LRSAM1: variants seen among roughly 807,000 people sequenced by gnomAD.
LRSAM1 encodes the protein leucine rich repeat and sterile alpha motif containing 1.
A neutral mutation model predicts 118.1 loss-of-function variants in LRSAM1; 96 were observed. The observed-to-expected ratio is 0.81, with a 90% CI of 0.69 to 0.96. LRSAM1 has a LOEUF of 0.96. Among genes scored for constraint, LRSAM1 ranks in the 40% least tolerant of loss-of-function variants. The probability of loss-of-function intolerance (pLI) is 0.00; values close to 1 mark genes in which losing one functional copy is unlikely to be tolerated. For synonymous variants in LRSAM1, 322 were observed against 364.2 expected (o/e 0.88, Z 1.32); for missense variants, 804 against 915.5 (o/e 0.88, Z 1.57).
intron 16 of LRSAM1, 130 bp downstream of exon 16, chr9:127,483,150 C>G: frequency 2.4e-6 from 2 of 836,010 alleles, no homozygotes; most frequent in Non-Finnish European, 4.0e-6. Context: ...CAGTCAAGTC[C>G]TGCCATGGAG....
At chr9:127,469,435 A>G (rs2265687) in intron 10 of LRSAM1, among the ~76,000 whole-genome samples, 149,782 of 151,678 alleles carry the variant, frequency 0.99, 73,992 homozygotes, top group Middle Eastern at 1. Context: ...GTGCCACTGC[A>G]CTCCAGTCTG....
intron 9 of LRSAM1, among the ~76,000 whole-genome samples, chr9:127,464,550 G>A (rs967619847): frequency 1.3e-5 from 2 of 152,000 alleles, no homozygotes; most frequent in African/African-American, 4.8e-5. Flanking sequence ...TTAAATAGCC[G>A]TGGGTCCTTA....
chr9:127,491,378 C>T (rs1475884246), intron 20 of LRSAM1, 83 bp downstream of exon 20: 2 of 1,110,708 alleles, frequency 1.8e-6, no homozygotes, highest in Non-Finnish European at 2.7e-6. Context: ...GGCAGCTGCT[C>T]ACCAGCCCCT....
At chr9:127,459,197 C>T in intron 7 of LRSAM1, 126 bp downstream of exon 7, 7 of 903,752 alleles carry the variant, frequency 7.7e-6, no homozygotes, top group Non-Finnish European at 1.2e-5. Flanking sequence ...CCAGCTCCAC[C>T]CTCCCCTTGG....
rs560055649 is a variant in LRSAM1, at chr9:127,470,861, T to G, written c.620-2940T>G. ...CTTTAAACATTCATCAAGCTCTGCATGAAGATTCTGTGCTCTCGGCCCAAA... is the reference window on the plus strand; with the variant it reads ...CTTTAAACATTCATCAAGCTCTGCAGGAAGATTCTGTGCTCTCGGCCCAAA... On this transcript the variant is annotated intron_variant, in intron 10 of 25. Transcript: ENST00000300417. 5 of 152,196 alleles carry G rather than the reference T, an allele frequency of 3.3e-5. No homozygotes were observed. In the South Asian group the frequency reaches 6.2e-4, roughly 19 times the overall value. The allele number at this position is 152,196 out of a possible 1,614,324, so 9.4% of individuals were successfully genotyped here.
chr9:127,482,897 T>C, intron 15 of LRSAM1, 53 bp from the exon 16 acceptor site: 1 of 1,513,604 alleles, frequency 6.6e-7, no homozygotes, highest in Non-Finnish European at 9.0e-7. Flanking sequence ...TCTGCTGGGA[T>C]TCCCTGTTGG....
At chr9:127,452,510 C>G (rs1438916430) in intron 2 of LRSAM1, among the ~76,000 whole-genome samples, 1 of 152,192 alleles carries the variant, frequency 6.6e-6, no homozygotes, top group Non-Finnish European at 1.5e-5. Context: ...CATCTCCTCC[C>G]ATGACTATCT....
intron 5 of LRSAM1, 90 bp from the exon 6 acceptor site, chr9:127,457,226 G>C: frequency 1.4e-6 from 2 of 1,436,560 alleles, no homozygotes; most frequent in Non-Finnish European, 1.9e-6. Flanking sequence ...GGTGGGGCGT[G>C]GCACGGCGCT....
intron 8 of LRSAM1, 135 bp from the exon 9 acceptor site, chr9:127,462,114 CCTT>C: frequency 8.2e-7 from 1 of 1,220,282 alleles, no homozygotes; most frequent in South Asian, 1.4e-5. Flanking sequence ...TGGAACTCCA[CCTT>C]CTTGAGCCTA....
chr9:127,502,456 G>A (rs188608898), intron 25 of LRSAM1, among the ~76,000 whole-genome samples: 4 of 152,006 alleles, frequency 2.6e-5, no homozygotes, highest in Non-Finnish European at 5.9e-5. Flanking sequence ...AGGCCGAGGC[G>A]GGCAGATCAC....
At chr9:127,460,402 T>G (rs1177101601) in intron 7 of LRSAM1, among the ~76,000 whole-genome samples, 2 of 152,256 alleles carry the variant, frequency 1.3e-5, no homozygotes, top group Non-Finnish European at 2.9e-5. Context: ...CAACAAGCCC[T>G]GGTTCAGTCC....
intron 17 of LRSAM1, among the ~76,000 whole-genome samples, chr9:127,487,159 G>A (rs1167665753): frequency 3.3e-5 from 5 of 150,422 alleles, no homozygotes; most frequent in Non-Finnish European, 5.9e-5. Context: ...ACTCCAGCCC[G>A]GGTGACAGAG....
At chr9:127,486,692 C>G (rs1479954441) in intron 17 of LRSAM1, 1 of 152,430 alleles carries the variant, frequency 6.6e-6, no homozygotes, top group East Asian at 1.9e-4. Context: ...CGTGAGGTCT[C>G]AGGCAAGTCT....
intron 5 of LRSAM1, 21 bp downstream of exon 5, chr9:127,455,641 C>A (rs1160775749): frequency 6.2e-7 from 1 of 1,612,470 alleles, no homozygotes. Flanking sequence ...GCTTCATCTT[C>A]AGAGACTTTC....
At chr9:127,464,294 G>A (rs1326671398) in intron 9 of LRSAM1, among the ~76,000 whole-genome samples, 9 of 152,218 alleles carry the variant, frequency 5.9e-5, no homozygotes, top group African/African-American at 1.7e-4. Flanking sequence ...CTGCAATGAT[G>A]GAAATGTTCA....
At chr9:127,464,389 C>T (rs1055486438) in intron 9 of LRSAM1, among the ~76,000 whole-genome samples, 2 of 109,790 alleles carry the variant, frequency 1.8e-5, no homozygotes, top group African/African-American at 7.7e-5. Context: ...GCGGCGGCCA[C>T]TGGCCACGTG....
chr9:127,473,976 G>A (rs1232581430), intron 11 of LRSAM1, 45 bp downstream of exon 11: 13 of 1,613,156 alleles, frequency 8.1e-6, no homozygotes, highest in South Asian at 2.2e-5. Flanking sequence ...GTGTGTGTGC[G>A]TGTGCATGTA....
At chr9:127,470,571 A>T (rs147843921) in intron 10 of LRSAM1, among the ~76,000 whole-genome samples, 2 of 152,114 alleles carry the variant, frequency 1.3e-5, no homozygotes, top group Non-Finnish European at 2.9e-5. Context: ...AAAAATGTTC[A>T]TAGCAGCACT....
intron 10 of LRSAM1, among the ~76,000 whole-genome samples, chr9:127,472,351 C>T (rs532661718): frequency 5.6e-4 from 85 of 151,804 alleles, no homozygotes; most frequent in South Asian, 4.6e-3. Flanking sequence ...TTTTAAAAAA[C>T]ATTAAAGAGG....
Sources: gnomAD v4.1 joint callset for allele counts (sites outside exome capture counted in the v4.1 genomes callset) on GRCh38, gnomAD v4.1.1 for gene constraint, MANE v1.5 for transcripts, NCBI Gene and HGNC (gene_info 2026-07-23, HGNC 2026-07-21) for gene names.